NCKAP5: variants seen among roughly 807,000 people sequenced by gnomAD.
The protein encoded by NCKAP5 is NCK associated protein 5.
NCKAP5 carries 92 observed loss-of-function variants against 167.0 expected under a neutral mutation model. The ratio of observed to expected loss-of-function variants is 0.55; its 90% CI spans 0.47 to 0.66. NCKAP5 has a LOEUF of 0.66. NCKAP5 is among the 30% of genes least tolerant of loss of function. The pLI is 0.00. For missense variants in NCKAP5, 2,378 were observed against 2,315.0 expected (o/e 1.03, Z -0.56); for synonymous variants, 891 against 877.4 (o/e 1.02, Z -0.27).
rs377517405 is a variant in NCKAP5, at chr2:132,777,613, GAA to G, written c.5049+3437_5049+3438del. Among the ~76,000 whole-genome samples, 482 of 152,230 alleles carry G rather than the reference GAA, an allele frequency of 3.2e-3. 3 individuals carry two copies. Among genetic ancestry groups the G allele is most frequent in the African/African-American group, 0.011 (464 of 41,544 alleles). On this transcript the variant is annotated intron_variant, in intron 15 of 19. Coordinates refer to ENST00000409261, the MANE Select transcript of NCKAP5 (RefSeq NM_207363.3). ...AAGTTCCTGGAAAGCATAACCTTTG[GAA>G]AAGTTACTAATTTAGAAAACTTTGC...
chr2:132,902,318 G>A (rs550054071), intron 8 of NCKAP5, among the ~76,000 whole-genome samples: 180 of 152,330 alleles, frequency 1.2e-3, no homozygotes, highest in African/African-American at 3.9e-3. Context: ...GTTGATAGCT[G>A]AGGTGTCCAG....
At chr2:133,066,172 G>A (rs1314853217) in intron 6 of NCKAP5, among the ~76,000 whole-genome samples, 1 of 152,102 alleles carries the variant, frequency 6.6e-6, no homozygotes, top group Non-Finnish European at 1.5e-5. Flanking sequence ...GAAATCTGGA[G>A]GTTTAGTACA....
intron 7 of NCKAP5, among the ~76,000 whole-genome samples, chr2:132,993,151 C>A (rs991389074): frequency 2.0e-5 from 3 of 152,194 alleles, no homozygotes; most frequent in African/African-American, 7.2e-5. Flanking sequence ...TTTTAGCCAG[C>A]AAAAACCTAG....
chr2:133,207,158 A>T (rs781098494), intron 5 of NCKAP5, among the ~76,000 whole-genome samples: 9 of 151,976 alleles, frequency 5.9e-5, no homozygotes, highest in Non-Finnish European at 7.4e-5. Flanking sequence ...TAAAATCCCT[A>T]ATAAAAACTT....
chr2:132,817,098 A>T (rs55883825), intron 11 of NCKAP5, among the ~76,000 whole-genome samples: 6,223 of 152,296 alleles, frequency 0.041, 287 homozygotes, highest in East Asian at 0.13. Context: ...ACCGAGGACC[A>T]AGATAGACTA....
At chr2:133,115,390 A>G (rs1239025474) in intron 6 of NCKAP5, among the ~76,000 whole-genome samples, 2 of 152,168 alleles carry the variant, frequency 1.3e-5, no homozygotes, top group Non-Finnish European at 1.5e-5. Flanking sequence ...GGATCCCACT[A>G]CAAGTGTACA....
chr2:133,371,312 A>G (rs951988544), intron 3 of NCKAP5, among the ~76,000 whole-genome samples: 1 of 152,182 alleles, frequency 6.6e-6, no homozygotes, highest in Non-Finnish European at 1.5e-5. Flanking sequence ...CAAGCATATA[A>G]TCAAAGCATG....
At chr2:132,877,788 A>G (rs768811356) in intron 9 of NCKAP5, among the ~76,000 whole-genome samples, 57 of 152,286 alleles carry the variant, frequency 3.7e-4, no homozygotes, top group Admixed American at 2.3e-3. Flanking sequence ...TGGAGAGGGT[A>G]AGAAATATGA....
the NCKAP5 span, among the ~76,000 whole-genome samples, chr2:133,600,477 G>A: frequency 6.6e-6 from 1 of 152,236 alleles, no homozygotes; most frequent in African/African-American, 2.4e-5. Context: ...CCCGAACAAT[G>A]AGCCGTCGGG....
intron 6 of NCKAP5, among the ~76,000 whole-genome samples, chr2:133,128,407 T>C (rs2082472397): frequency 6.6e-6 from 1 of 152,188 alleles, no homozygotes; most frequent in Non-Finnish European, 1.5e-5. Context: ...AAATGCACAG[T>C]TTTCTGGGGG....
At chr2:132,855,864 A>C (rs1689423228) in intron 11 of NCKAP5, among the ~76,000 whole-genome samples, 1 of 152,188 alleles carries the variant, frequency 6.6e-6, no homozygotes, top group Admixed American at 6.5e-5. Context: ...CAAAATACAT[A>C]CATTTAAAAG....
At chr2:133,582,584 G>A in the NCKAP5 span, among the ~76,000 whole-genome samples, 1 of 152,074 alleles carries the variant, frequency 6.6e-6, no homozygotes, top group African/African-American at 2.4e-5. Flanking sequence ...CTGTAGTATG[G>A]GCAGTTCGGC....
At chr2:133,438,738 T>A (rs1690652507) in intron 3 of NCKAP5, among the ~76,000 whole-genome samples, 1 of 152,208 alleles carries the variant, frequency 6.6e-6, no homozygotes, top group Admixed American at 6.5e-5. Flanking sequence ...ATATTAATAA[T>A]AACTAGTATT....
intron 3 of NCKAP5, among the ~76,000 whole-genome samples, chr2:133,454,298 ATAGAAT>A (rs972607025): frequency 2.6e-5 from 4 of 152,072 alleles, no homozygotes; most frequent in Non-Finnish European, 5.9e-5. Context: ...AGTATTTGGT[ATAGAAT>A]TATACTTCAA....
chr2:133,471,152 G>A (rs566618974), intron 3 of NCKAP5, among the ~76,000 whole-genome samples: 1 of 152,106 alleles, frequency 6.6e-6, no homozygotes, highest in Non-Finnish European at 1.5e-5. Context: ...TCAATTGTCA[G>A]CTCTTTAATT....
intron 2 of NCKAP5, among the ~76,000 whole-genome samples, chr2:133,521,254 T>G (rs941799222): frequency 6.6e-6 from 1 of 152,220 alleles, no homozygotes; most frequent in African/African-American, 2.4e-5. Context: ...TCCATCTAAC[T>G]CAACTAATTC....
chr2:132,766,268 G>C (rs552750076), intron 16 of NCKAP5, among the ~76,000 whole-genome samples: 1 of 98,306 alleles, frequency 1.0e-5, no homozygotes, highest in East Asian at 3.7e-4. Flanking sequence ...GAAACAGTGA[G>C]ATTCTGTCTC....
At chr2:132,936,037 A>G (rs544842672) in intron 8 of NCKAP5, among the ~76,000 whole-genome samples, 1 of 147,130 alleles carries the variant, frequency 6.8e-6, no homozygotes, top group Admixed American at 6.8e-5. Flanking sequence ...GCTGGAGTGC[A>G]GTGGTGCGAT....
intron 3 of NCKAP5, among the ~76,000 whole-genome samples, chr2:133,384,241 T>A (rs1227913646): frequency 6.6e-6 from 1 of 152,244 alleles, no homozygotes; most frequent in Non-Finnish European, 1.5e-5. Context: ...GTATAAAGTG[T>A]AAGGAAGGGA....
Sources: allele counts gnomAD v4.1 joint callset (sites outside exome capture counted in the v4.1 genomes callset), GRCh38; gene constraint gnomAD v4.1.1; transcripts MANE v1.5; gene names NCBI Gene and HGNC (gene_info 2026-07-23, HGNC 2026-07-21).